Variants in ITPRID1 observed in about 807,000 individuals in gnomAD.
ITPRID1 encodes ITPR interacting domain containing 1.
In ITPRID1, 96 loss-of-function variants were observed where a neutral mutation model predicts 95.4. The observed-to-expected ratio is 1.01, with a 90% confidence interval of 0.85 to 1.19. The LOEUF is 1.19. Among genes scored for constraint, ITPRID1 ranks in the 50% most tolerant of loss-of-function variants. The probability of loss-of-function intolerance (pLI) is 0.00; values close to 1 mark genes in which losing one functional copy is unlikely to be tolerated. For synonymous variants in ITPRID1, 510 were observed against 453.6 expected (o/e 1.12, Z -1.58); for missense variants, 1,339 against 1,252.9 (o/e 1.07, Z -1.04).
chr7:31,552,905 G>C, intron 2 of ITPRID1, 97 bp from the exon 3 acceptor site: 1 of 1,226,284 alleles, frequency 8.2e-7, no homozygotes, highest in Admixed American at 2.3e-5. Context: ...TCATTCATCT[G>C]ACTGTAGGCA....
intron 10 of ITPRID1, among the ~76,000 whole-genome samples, chr7:31,636,880 C>A (rs1198442716): frequency 9.2e-5 from 9 of 97,836 alleles, no homozygotes; most frequent in African/African-American, 3.5e-4. Flanking sequence ...CCTCCCCCCT[C>A]CCCCCTCCCC....
At position 31,642,172 on chromosome 7, in the gene ITPRID1, G is replaced by T; in HGVS notation, c.1229-4G>T. 6.4e-7 allele frequency: 1 copy of T among 1,556,124 alleles called. No individual in the cohort carries two copies. On this transcript the variant is annotated splice_region_variant and splice_polypyrimidine_tract_variant and intron_variant, in intron 10 of 14. Coordinates refer to ENST00000615280, the MANE Select transcript of ITPRID1 (RefSeq NM_001257967.3). ...ATAACCTCAAGACCTCTTTCATTCT[G>T]CAGGTGCCAGGGTGGACAGAGCAAA...
intron 5 of ITPRID1, among the ~76,000 whole-genome samples, chr7:31,557,419 G>A (rs144242537): frequency 4.1e-4 from 63 of 152,210 alleles, no homozygotes; most frequent in Non-Finnish European, 8.1e-4. Context: ...CAGTGGTCCT[G>A]TTCCTGGTTT....
chr7:31,544,474 T>C (rs1784032152), intron 1 of ITPRID1, among the ~76,000 whole-genome samples: 1 of 152,168 alleles, frequency 6.6e-6, no homozygotes, highest in Non-Finnish European at 1.5e-5. Flanking sequence ...TTCAGTCTTC[T>C]TGTCTGAAAA....
In ITPRID1 at chr7:31,652,940, A is replaced by G. The variant is rs755096045; in HGVS notation, c.*111A>G. On this transcript the variant is annotated 3_prime_UTR_variant, in exon 15 of 15. Coordinates refer to ENST00000615280, the MANE Select transcript of ITPRID1 (RefSeq NM_001257967.3). Reference sequence around the variant, plus strand: ...AGGGTCTGCCAACCCATTGTCAGCTATATCTCTCATATTCTACCCTTTGGT... The same window carrying G: ...AGGGTCTGCCAACCCATTGTCAGCTGTATCTCTCATATTCTACCCTTTGGT... 2.1e-5 allele frequency: 32 copies of G among 1,499,930 alleles called. No homozygotes were observed. The highest frequency in any genetic ancestry group is 2.6e-5 in the Non-Finnish European group (29 of 1,126,348). The allele number at this position is 1,499,930 out of a possible 1,614,324, so 92.9% of individuals were successfully genotyped here. A position where few individuals can be genotyped will look rare whatever the true frequency, so the allele number is the denominator to read the frequency against.
At chr7:31,523,604 G>T (rs973109170) in intron 1 of ITPRID1, among the ~76,000 whole-genome samples, 8 of 152,154 alleles carry the variant, frequency 5.3e-5, no homozygotes, top group African/African-American at 1.9e-4. Flanking sequence ...CTCCTGGCTT[G>T]GTCCTGTCCT....
chr7:31,526,844 T>A (rs1457877690), intron 1 of ITPRID1, among the ~76,000 whole-genome samples: 1 of 152,186 alleles, frequency 6.6e-6, no homozygotes, highest in African/African-American at 2.4e-5. Flanking sequence ...AGCCTCCTTT[T>A]TTCAGTCTTG....
intron 10 of ITPRID1, among the ~76,000 whole-genome samples, chr7:31,617,930 TTGTAGTAAAGAAAA>T (rs1239264051): frequency 2.0e-5 from 3 of 152,174 alleles, no homozygotes; most frequent in African/African-American, 7.2e-5. Context: ...CCTTTTCTAT[TTGTAGTAAAGAAAA>T]TGGTAGGAAA....
chr7:31,553,184 C>T lies in ITPRID1; in HGVS notation c.160C>T (p.Leu54=). Residue 54 remains leucine (L), a synonymous_variant, in exon 3 of 15, where the codon CTG becomes TTG. Transcript: ENST00000615280. ...AAGCCAGAGTCTCACCATCCCCATG[C>T]TGGGTGAGAAGGACTCTCAGGCCTA... ...EESQSLTIPM[L]EDSKQESIQQ... 3 of 1,574,068 alleles carry T rather than the reference C, an allele frequency of 1.9e-6. No individual in the cohort carries two copies. Among genetic ancestry groups the T allele is most frequent in the Non-Finnish European group, 2.6e-6 (3 of 1,158,468 alleles).
At chr7:31,592,317 T>A (rs1222595036) in intron 10 of ITPRID1, among the ~76,000 whole-genome samples, 3 of 152,220 alleles carry the variant, frequency 2.0e-5, no homozygotes, top group Non-Finnish European at 4.4e-5. Context: ...TCAATCTCTA[T>A]GCTTCTGTGT....
chr7:31,613,380 T>C (rs1786970186), intron 10 of ITPRID1, among the ~76,000 whole-genome samples: 1 of 152,164 alleles, frequency 6.6e-6, no homozygotes, highest in African/African-American at 2.4e-5. Flanking sequence ...GCCAGCGTTC[T>C]TGTTGTTTTT....
chr7:31,651,396 G>C, intron 13 of ITPRID1, 127 bp downstream of exon 13: 1 of 1,124,358 alleles, frequency 8.9e-7, no homozygotes, highest in African/African-American at 1.6e-5. Flanking sequence ...CTTTTCCTTT[G>C]CTTTCTTGGT....
chr7:31,621,685 T>G (rs6949862), intron 10 of ITPRID1, among the ~76,000 whole-genome samples: 2,233 of 128,426 alleles, frequency 0.017, 21 homozygotes, highest in Middle Eastern at 0.026. Flanking sequence ...AGACTAGCAA[T>G]AAACTGCATC....
At chr7:31,658,222 G>C (rs1562670994), downstream of ITPRID1, 2 of 1,450,774 alleles carry the variant, frequency 1.4e-6, no homozygotes, top group Non-Finnish European at 1.8e-6. Context: ...ACACTTCCCA[G>C]AAAAATGTTG....
At chr7:31,579,153 A>G (rs137894399) in intron 9 of ITPRID1, among the ~76,000 whole-genome samples, 1 of 152,222 alleles carries the variant, frequency 6.6e-6, no homozygotes, top group East Asian at 1.9e-4. Flanking sequence ...CTTAAGTGAC[A>G]TTCTCACTTG....
intron 10 of ITPRID1, among the ~76,000 whole-genome samples, chr7:31,616,477 G>GAT (rs1787241670): frequency 6.6e-6 from 1 of 152,110 alleles, no homozygotes; most frequent in East Asian, 1.9e-4. Context: ...GATGTATTAA[G>GAT]ATGTATTCTG....
Position 31,652,938 on chromosome 7 carries a change from C to A in ITPRID1, c.*109C>A. The A allele has an allele frequency of 6.6e-7, 1 of 1,506,160 alleles. No homozygotes were observed. The highest frequency in any genetic ancestry group is 8.9e-7 in the Non-Finnish European group (1 of 1,129,008). 93.3% of individuals were successfully genotyped at this position (1,506,160 alleles called of 1,614,324 possible). Reference sequence around the variant, plus strand: ...GAAGGGTCTGCCAACCCATTGTCAGCTATATCTCTCATATTCTACCCTTTG... The same window carrying A: ...GAAGGGTCTGCCAACCCATTGTCAGATATATCTCTCATATTCTACCCTTTG... On this transcript the variant is annotated 3_prime_UTR_variant, in exon 15 of 15. Transcript: ENST00000615280.
intron 5 of ITPRID1, among the ~76,000 whole-genome samples, chr7:31,561,567 G>T (rs1039026460): frequency 3.3e-5 from 5 of 152,166 alleles, no homozygotes; most frequent in African/African-American, 7.2e-5. Context: ...ACTGCAAAAG[G>T]TTGGACAGCT....
chr7:31,580,798 ACT>A (rs1214545228), intron 9 of ITPRID1, among the ~76,000 whole-genome samples: 1 of 151,976 alleles, frequency 6.6e-6, no homozygotes, highest in African/African-American at 2.4e-5. Flanking sequence ...AAAACAGAAC[ACT>A]CTGTCAAACT....
Sources: allele counts gnomAD v4.1 joint callset (sites outside exome capture counted in the v4.1 genomes callset), GRCh38; gene constraint gnomAD v4.1.1; transcripts MANE v1.5; gene names NCBI Gene and HGNC (gene_info 2026-07-23, HGNC 2026-07-21).